The following IL31RA variants were observed in gnomAD, a reference collection of about 807,000 sequenced individuals.
The protein encoded by IL31RA is interleukin-31 receptor subunit alpha.
A neutral mutation model predicts 83.7 loss-of-function variants in IL31RA; 66 were observed. The observed-to-expected ratio is 0.79, with a 90% CI of 0.65 to 0.97. IL31RA has a LOEUF of 0.97. Ranked by LOEUF, IL31RA falls within the 50% of genes least tolerant of loss-of-function variation. IL31RA has a pLI of 0.00. For synonymous variants in IL31RA, 325 were observed against 329.0 expected, an observed-to-expected ratio of 0.99 and a Z score of 0.13; for missense variants, 798 against 919.4, an observed-to-expected ratio of 0.87 and a Z score of 1.71.
chr5:55,896,853 A>G (rs1309318097), intron 7 of IL31RA, among the ~76,000 whole-genome samples: 11 of 83,476 alleles, frequency 1.3e-4, no homozygotes, highest in Admixed American at 2.9e-4. Flanking sequence ...GTCTTGCTCA[A>G]TCACCCAGGC....
At chr5:55,869,639 A>G (rs1204368363) in intron 3 of IL31RA, among the ~76,000 whole-genome samples, 1 of 152,054 alleles carries the variant, frequency 6.6e-6, no homozygotes, top group African/African-American at 2.4e-5. Flanking sequence ...ATACCTGGCC[A>G]ACTTTTGTAT....
In IL31RA at chr5:55,917,399, C is replaced by T. The variant is rs1437417319; in HGVS notation, c.*279C>T. On this transcript the variant is annotated 3_prime_UTR_variant, in exon 15 of 15. Coordinates refer to ENST00000652347, the MANE Select transcript of IL31RA (RefSeq NM_139017.7). ...TCACCGAGGCCTCCTGACAGATTGA[C>T]TTTGAAGGAAGGGCCCAGGTTCTGA... is the stretch of plus-strand genomic sequence containing the variant. The T allele has an allele frequency of 1.0e-5, 12 of 1,185,026 alleles. No individual in the cohort carries two copies. The highest frequency in any genetic ancestry group is 3.1e-5 in the African/African-American group (2 of 64,232). 73.4% of individuals were successfully genotyped at this position (1,185,026 alleles called of 1,614,324 possible).
intron 4 of IL31RA, among the ~76,000 whole-genome samples, chr5:55,881,077 C>A (rs948878845): frequency 2.6e-5 from 4 of 151,850 alleles, no homozygotes; most frequent in Non-Finnish European, 4.4e-5. Flanking sequence ...CTGAGGCGGG[C>A]GGATCACGAG....
intron 3 of IL31RA, among the ~76,000 whole-genome samples, chr5:55,870,636 C>G (rs1227047101): frequency 6.6e-6 from 1 of 152,194 alleles, no homozygotes; most frequent in Non-Finnish European, 1.5e-5. Flanking sequence ...ATCCCCAGGC[C>G]TATACCCAGC....
At position 55,921,710 on chromosome 5, in the gene IL31RA, A is replaced by G. The variant is rs1750095718; in HGVS notation, c.*4590A>G. 6.6e-6 allele frequency among the ~76,000 whole-genome samples: 1 copy of G among 152,128 alleles called. No individual in the cohort carries two copies. Among genetic ancestry groups the G allele is most frequent in the African/African-American group, 2.4e-5 (1 of 41,426 alleles). ...GAATAGTTAATGAAACTTTATAGTT[A>G]TTTGTGTTGCTTTAATCCTTGTGAA... On this transcript the variant is annotated 3_prime_UTR_variant, in exon 15 of 15. Transcript: ENST00000652347.
intron 3 of IL31RA, among the ~76,000 whole-genome samples, chr5:55,869,998 C>T (rs1332580701): frequency 6.6e-6 from 1 of 152,132 alleles, no homozygotes; most frequent in Non-Finnish European, 1.5e-5. Flanking sequence ...TTCTCAGCAG[C>T]ACTGATATAG....
chr5:55,839,951 A>T, the IL31RA span: 3 of 651,278 alleles, frequency 4.6e-6, no homozygotes, highest in Non-Finnish European at 5.7e-6. Flanking sequence ...GCTGCACTTC[A>T]TCGGCCAAGC....
rs1383898442 is a variant in IL31RA, at chr5:55,917,435, C to T, written c.*315C>T. 1.2e-6 allele frequency: 1 copy of T among 804,682 alleles called. No individual in the cohort carries two copies. The highest frequency in any genetic ancestry group is 3.6e-5 in the Admixed American group (1 of 27,414). 49.8% of individuals were successfully genotyped at this position (804,682 alleles called of 1,614,324 possible). A position where few individuals can be genotyped will look rare whatever the true frequency, so the allele number is the denominator to read the frequency against. ...GGGCCCAGGTTCTGAGCCCAAAGGACCCCCAGGGTGGACATATCTGGCCTC... is the reference window on the plus strand; with the variant it reads ...GGGCCCAGGTTCTGAGCCCAAAGGATCCCCAGGGTGGACATATCTGGCCTC... On this transcript the variant is annotated 3_prime_UTR_variant, in exon 15 of 15. Coordinates refer to ENST00000652347, the MANE Select transcript of IL31RA (RefSeq NM_139017.7).
In IL31RA at chr5:55,907,344, C is replaced by A. The variant is rs1346508919; in HGVS notation, c.1253-15C>A. 3 of 1,564,454 alleles carry A rather than the reference C, an allele frequency of 1.9e-6. No individual in the cohort carries two copies. Among genetic ancestry groups the A allele is most frequent in the Non-Finnish European group, 2.6e-6 (3 of 1,135,282 alleles). Reference sequence around the variant, plus strand: ...GTGCTCTGCACTTACACTTTTTTTTCTTTCTTTTTCACAGATAAATTAAAA... The same window carrying A: ...GTGCTCTGCACTTACACTTTTTTTTATTTCTTTTTCACAGATAAATTAAAA... On this transcript the variant is annotated splice_polypyrimidine_tract_variant and intron_variant, in intron 9 of 14. Coordinates refer to ENST00000652347, the MANE Select transcript of IL31RA (RefSeq NM_139017.7).
intron 1 of IL31RA, among the ~76,000 whole-genome samples, chr5:55,858,826 C>T (rs1386983898): frequency 6.6e-6 from 1 of 152,230 alleles, no homozygotes; most frequent in East Asian, 1.9e-4. Context: ...GTACCAGGCA[C>T]TGCCTTAGAT....
intron 1 of IL31RA, chr5:55,853,616 A>G: frequency 6.5e-7 from 1 of 1,539,270 alleles, no homozygotes; most frequent in African/African-American, 1.4e-5. Context: ...ATCTTTTTCT[A>G]CTTTATAAAA....
Position 55,917,409 on chromosome 5 carries a change from A to G in IL31RA, c.*289A>G. ...CTCCTGACAGATTGACTTTGAAGGA[A>G]GGGCCCAGGTTCTGAGCCCAAAGGA... is the stretch of plus-strand genomic sequence containing the variant. On this transcript the variant is annotated 3_prime_UTR_variant, in exon 15 of 15. Coordinates refer to ENST00000652347, the MANE Select transcript of IL31RA (RefSeq NM_139017.7). 9.0e-7 allele frequency: 1 copy of G among 1,117,186 alleles called. No individual in the cohort carries two copies. The highest frequency in any genetic ancestry group is 1.8e-5 in the South Asian group (1 of 56,998). The allele number at this position is 1,117,186 out of a possible 1,614,324, so 69.2% of individuals were successfully genotyped here. A position where few individuals can be genotyped will look rare whatever the true frequency, so the allele number is the denominator to read the frequency against.
rs562693375 is a variant in IL31RA at position 55,896,569 on chromosome 5, C to T, written c.852+140C>T. 13 of 479,182 alleles carry T rather than the reference C, an allele frequency of 2.7e-5. No homozygotes were observed. In the African/African-American group the frequency reaches 3.4e-4, roughly 12 times the overall value. The allele number at this position is 479,182 out of a possible 1,614,324, so 29.7% of individuals were successfully genotyped here. ...CCCTTCCCTCCCCTCCCCTCCCCTC[C>T]CCTCCCTTCCCCCCACCTTCCCCCT... is the stretch of plus-strand genomic sequence containing the variant. On this transcript the variant is annotated intron_variant, in intron 7 of 14. Coordinates refer to ENST00000652347, the MANE Select transcript of IL31RA (RefSeq NM_139017.7).
intron 6 of IL31RA, among the ~76,000 whole-genome samples, chr5:55,890,510 C>G (rs1218925019): frequency 6.6e-6 from 1 of 152,158 alleles, no homozygotes; most frequent in Non-Finnish European, 1.5e-5. Context: ...GCTGGGATTA[C>G]AGGGGCCCAC....
chr5:55,872,496 A>ACTT, intron 4 of IL31RA, 45 bp downstream of exon 4: 1 of 1,193,882 alleles, frequency 8.4e-7, no homozygotes, highest in South Asian at 1.3e-5. Flanking sequence ...TTAAATGTTT[A>ACTT]CCTCCTTCTC....
rs147904394 is a variant in IL31RA, at chr5:55,917,297, G to T, written c.*177G>T. ...GTCGGCAAAGATGCGACCTTGTACTGGGAAGAAGGGATGGTGATAAGCCCG... is the reference window on the plus strand; with the variant it reads ...GTCGGCAAAGATGCGACCTTGTACTTGGAAGAAGGGATGGTGATAAGCCCG... On this transcript the variant is annotated 3_prime_UTR_variant, in exon 15 of 15. Coordinates refer to ENST00000652347, the MANE Select transcript of IL31RA (RefSeq NM_139017.7). The T allele has an allele frequency of 6.4e-4, 960 of 1,500,186 alleles. 5 individuals are homozygous for T. The Middle Eastern group carries it at 6.8e-3, about 11-fold the overall frequency. 92.9% of individuals were successfully genotyped at this position (1,500,186 alleles called of 1,614,324 possible). A position where few individuals can be genotyped will look rare whatever the true frequency, so the allele number is the denominator to read the frequency against.
intron 2 of IL31RA, among the ~76,000 whole-genome samples, chr5:55,867,191 G>GGGTGTGCA (rs1561543233): frequency 1.7e-5 from 2 of 119,592 alleles, no homozygotes; most frequent in African/African-American, 7.8e-5. Flanking sequence ...ATGTGTGTTT[G>GGGTGTGCA]TGTGTGTTTG....
intron 2 of IL31RA, among the ~76,000 whole-genome samples, chr5:55,867,131 G>A (rs1746125264): frequency 1.0e-5 from 1 of 97,652 alleles, no homozygotes; most frequent in Non-Finnish European, 2.6e-5. Flanking sequence ...GTTTGTGTGT[G>A]TGTGCATGTG....
chr5:55,922,333 C>T lies in IL31RA; in HGVS notation c.*5213C>T. ...TCCACAAGAGGGCAAAACCTGCTGT[C>T]AGCAATGCTCTCGTGGCTGTTCAAG... On this transcript the variant is annotated 3_prime_UTR_variant, in exon 15 of 15. Coordinates refer to ENST00000652347, the MANE Select transcript of IL31RA (RefSeq NM_139017.7). 1 of 1,421,454 alleles carries T rather than the reference C, an allele frequency of 7.0e-7. No homozygotes were observed. Among genetic ancestry groups the T allele is most frequent in the Middle Eastern group, 1.7e-4 (1 of 5,728 alleles). The allele number at this position is 1,421,454 out of a possible 1,614,324, so 88.1% of individuals were successfully genotyped here. A position where few individuals can be genotyped will look rare whatever the true frequency, so the allele number is the denominator to read the frequency against.
Sources: allele counts gnomAD v4.1 joint callset (sites outside exome capture counted in the v4.1 genomes callset), GRCh38; gene constraint gnomAD v4.1.1; transcripts MANE v1.5; gene names NCBI Gene and HGNC (gene_info 2026-07-23, HGNC 2026-07-21).